Variants in KCND2 observed in about 807,000 individuals in gnomAD.
KCND2 encodes the protein potassium voltage-gated channel subfamily D member 2.
Under a neutral mutation model 54.4 loss-of-function variants are expected in KCND2, and 16 were observed. The observed-to-expected ratio is 0.29, with a 90% CI of 0.20 to 0.45. The LOEUF (loss-of-function observed/expected upper bound fraction) is 0.45, where lower values mean the gene tolerates loss of function less well. KCND2 is among the 20% of genes least tolerant of loss of function. KCND2 has a pLI of 1.00. For synonymous variants in KCND2, 317 were observed against 310.7 expected (o/e 1.02, Z -0.21); for missense variants, 486 against 824.2 (o/e 0.59, Z 5.02).
chr7:120,643,492 C>T (rs999679892), intron 1 of KCND2, among the ~76,000 whole-genome samples: 1 of 151,916 alleles, frequency 6.6e-6, no homozygotes, highest in African/African-American at 2.4e-5. Context: ...ATATCTTAAA[C>T]CATTTAGTGT....
intron 1 of KCND2, among the ~76,000 whole-genome samples, chr7:120,318,119 C>T (rs1056806503): frequency 5.3e-5 from 8 of 152,026 alleles, no homozygotes; most frequent in African/African-American, 1.7e-4. Flanking sequence ...TTCTTTATTG[C>T]TGAGACCTGG....
chr7:120,683,808 C>T (rs1181743945), intron 1 of KCND2, among the ~76,000 whole-genome samples: 1 of 151,666 alleles, frequency 6.6e-6, no homozygotes, highest in Non-Finnish European at 1.5e-5. Context: ...CAAACTCTTT[C>T]ATTTTTTTTT....
chr7:120,747,578 CAATT>C, intron 5 of KCND2, 99 bp from the exon 6 acceptor site: 1 of 780,486 alleles, frequency 1.3e-6, no homozygotes, highest in Non-Finnish European at 2.1e-6. Context: ...TTTCCTTAGA[CAATT>C]AAAATATTTT....
chr7:120,552,136 T>G (rs933031313), intron 1 of KCND2, among the ~76,000 whole-genome samples: 2 of 152,334 alleles, frequency 1.3e-5, no homozygotes, highest in African/African-American at 4.8e-5. Context: ...GAAGTTTTCC[T>G]TATAATCCCA....
chr7:120,742,671 A>C, intron 4 of KCND2, 69 bp downstream of exon 4: 1 of 1,182,044 alleles, frequency 8.5e-7, no homozygotes, highest in East Asian at 2.3e-5. Context: ...GTGCATACTT[A>C]ATGCTTCCGA....
chr7:120,677,548 G>GAT (rs754799759), intron 1 of KCND2, among the ~76,000 whole-genome samples: 4 of 122,702 alleles, frequency 3.3e-5, no homozygotes, highest in African/African-American at 1.4e-4. Context: ...TATAGATATA[G>GAT]ATATATAGAT....
intron 1 of KCND2, among the ~76,000 whole-genome samples, chr7:120,299,242 A>G (rs1013431894): frequency 1.3e-5 from 2 of 152,146 alleles, no homozygotes; most frequent in African/African-American, 4.8e-5. Context: ...TTTTCTTACT[A>G]CCACTTTTTA....
chr7:120,583,381 A>T (rs1792544925), intron 1 of KCND2, among the ~76,000 whole-genome samples: 1 of 152,202 alleles, frequency 6.6e-6, no homozygotes, highest in Non-Finnish European at 1.5e-5. Flanking sequence ...TTTGAAATTG[A>T]ACAACAAATT....
intron 1 of KCND2, among the ~76,000 whole-genome samples, chr7:120,427,423 G>A (rs1584774491): frequency 1.3e-5 from 2 of 152,130 alleles, no homozygotes; most frequent in Middle Eastern, 6.8e-3. Flanking sequence ...CATGAGCCTC[G>A]GAATAACAGT....
chr7:120,436,452 C>A (rs984796440), intron 1 of KCND2, among the ~76,000 whole-genome samples: 7 of 152,178 alleles, frequency 4.6e-5, no homozygotes, highest in African/African-American at 1.7e-4. Flanking sequence ...CATTCATAAA[C>A]TTGTAGCAGA....
chr7:120,374,573 T>C (rs986046480), intron 1 of KCND2, among the ~76,000 whole-genome samples: 4 of 151,818 alleles, frequency 2.6e-5, no homozygotes, highest in Admixed American at 6.6e-5. Flanking sequence ...CAGGTAAGCG[T>C]CTTAATATAT....
At chr7:120,567,098 A>G (rs1792308695) in intron 1 of KCND2, among the ~76,000 whole-genome samples, 1 of 152,196 alleles carries the variant, frequency 6.6e-6, no homozygotes, top group African/African-American at 2.4e-5. Flanking sequence ...CTCTTATGAA[A>G]GAATCCCCAT....
At chr7:120,739,123 A>C (rs954447158) in intron 2 of KCND2, among the ~76,000 whole-genome samples, 1 of 152,004 alleles carries the variant, frequency 6.6e-6, no homozygotes, top group African/African-American at 2.4e-5. Flanking sequence ...GATGAGAAAT[A>C]TATGTCATTT....
intron 1 of KCND2, among the ~76,000 whole-genome samples, chr7:120,391,688 A>G (rs1801080091): frequency 6.6e-6 from 1 of 151,322 alleles, no homozygotes; most frequent in African/African-American, 2.4e-5. Flanking sequence ...CTTTTTTTTC[A>G]TGTTTGTTGG....
At chr7:120,709,472 A>T (rs1284348935) in intron 1 of KCND2, among the ~76,000 whole-genome samples, 1 of 152,190 alleles carries the variant, frequency 6.6e-6, no homozygotes, top group Non-Finnish European at 1.5e-5. Context: ...CTTCTTAATT[A>T]TGCACACATT....
chr7:120,721,856 G>A (rs1286279642), intron 1 of KCND2, among the ~76,000 whole-genome samples: 1 of 152,078 alleles, frequency 6.6e-6, no homozygotes, highest in African/African-American at 2.4e-5. Flanking sequence ...GTTGTGGGAG[G>A]GACCCGGTAG....
chr7:120,524,958 C>T (rs1438922900), intron 1 of KCND2, among the ~76,000 whole-genome samples: 1 of 152,122 alleles, frequency 6.6e-6, no homozygotes, highest in African/African-American at 2.4e-5. Context: ...ACTCATATTT[C>T]CTTTTAATAC....
chr7:120,668,088 GAAGCA>G (rs1791949585), intron 1 of KCND2, among the ~76,000 whole-genome samples: 1 of 151,864 alleles, frequency 6.6e-6, no homozygotes, highest in Non-Finnish European at 1.5e-5. Context: ...AAAATTCACT[GAAGCA>G]CTCTCAAATA....
intron 1 of KCND2, among the ~76,000 whole-genome samples, chr7:120,322,987 A>G (rs1799913903): frequency 6.6e-6 from 1 of 152,144 alleles, no homozygotes; most frequent in African/African-American, 2.4e-5. Context: ...GATCAGCACA[A>G]TGATGTTTTG....
Sources: allele counts gnomAD v4.1 joint callset (sites outside exome capture counted in the v4.1 genomes callset), GRCh38; gene constraint gnomAD v4.1.1; transcripts MANE v1.5; gene names NCBI Gene and HGNC (gene_info 2026-07-23, HGNC 2026-07-21).